CDK14: variants seen among roughly 807,000 people sequenced by gnomAD.
CDK14 encodes the protein cyclin dependent kinase 14.
In CDK14, 34 loss-of-function variants were observed where a neutral mutation model predicts 60.7. That is an observed-to-expected ratio of 0.56 (90% CI 0.43 to 0.75). The LOEUF (loss-of-function observed/expected upper bound fraction) is 0.75. Ranked by LOEUF, CDK14 falls within the 30% of genes least tolerant of loss-of-function variation. The pLI is 0.00. For synonymous variants in CDK14, 197 were observed against 203.7 expected, an observed-to-expected ratio of 0.97 and a Z score of 0.28; for missense variants, 482 against 564.1, an observed-to-expected ratio of 0.85 and a Z score of 1.47.
intron 11 of CDK14, among the ~76,000 whole-genome samples, chr7:91,063,789 A>G (rs1269807453): frequency 1.3e-5 from 2 of 152,224 alleles, no homozygotes; most frequent in East Asian, 1.9e-4. Context: ...ACTGCTTTCT[A>G]TATACCATAT....
intron 14 of CDK14, among the ~76,000 whole-genome samples, chr7:91,185,207 G>T (rs1743435838): frequency 6.7e-6 from 1 of 150,108 alleles, no homozygotes; most frequent in Non-Finnish European, 1.5e-5. Context: ...CAATGATATA[G>T]AAATAAAAGA....
chr7:90,623,502 T>A (rs1157562188), intron 2 of CDK14, among the ~76,000 whole-genome samples: 1 of 152,216 alleles, frequency 6.6e-6, no homozygotes, highest in Admixed American at 6.5e-5. Flanking sequence ...AAAGCACAAC[T>A]GAAAAGGAAA....
chr7:90,929,357 T>A (rs190619741), intron 8 of CDK14, among the ~76,000 whole-genome samples: 14 of 152,330 alleles, frequency 9.2e-5, no homozygotes, highest in African/African-American at 3.4e-4. Flanking sequence ...GGAACCTGTT[T>A]TAAATGGACT....
chr7:90,814,755 G>A (rs1164371599), intron 5 of CDK14, among the ~76,000 whole-genome samples: 2 of 152,214 alleles, frequency 1.3e-5, no homozygotes, highest in South Asian at 2.1e-4. Context: ...CAGCCTGGGC[G>A]ACAGAGCAAG....
At chr7:90,817,986 C>G (rs953901707) in intron 5 of CDK14, among the ~76,000 whole-genome samples, 1 of 152,128 alleles carries the variant, frequency 6.6e-6, no homozygotes, top group African/African-American at 2.4e-5. Flanking sequence ...AGATTCACAC[C>G]TAAGCCCATC....
chr7:90,689,661 A>G (rs1801513783), intron 2 of CDK14, among the ~76,000 whole-genome samples: 1 of 152,198 alleles, frequency 6.6e-6, no homozygotes, highest in South Asian at 2.1e-4. Context: ...GGGAAGGGTA[A>G]GAAATACATG....
intron 3 of CDK14, 62 bp from the exon 4 acceptor site, chr7:90,747,619 G>A: frequency 1.1e-6 from 1 of 899,418 alleles, no homozygotes; most frequent in Non-Finnish European, 1.8e-6. Flanking sequence ...AGCAAAATCA[G>A]GGTATTTGTT....
chr7:90,915,678 T>C (rs1793057970), intron 7 of CDK14, among the ~76,000 whole-genome samples: 1 of 152,066 alleles, frequency 6.6e-6, no homozygotes, highest in South Asian at 2.1e-4. Flanking sequence ...AGTGAGATGG[T>C]GAGATGGTTA....
intron 12 of CDK14, among the ~76,000 whole-genome samples, chr7:91,100,053 A>G (rs574290149): frequency 1.2e-3 from 178 of 152,260 alleles, no homozygotes; most frequent in African/African-American, 4.2e-3. Context: ...TAAAATACTT[A>G]ATAAAAATTA....
At chr7:91,050,424 A>G (rs1797358121) in intron 11 of CDK14, among the ~76,000 whole-genome samples, 1 of 152,218 alleles carries the variant, frequency 6.6e-6, no homozygotes, top group South Asian at 2.1e-4. Context: ...AAAAAAATAT[A>G]TAACAAAAAT....
At chr7:90,789,376 T>C (rs1228813555) in intron 4 of CDK14, among the ~76,000 whole-genome samples, 4 of 152,190 alleles carry the variant, frequency 2.6e-5, no homozygotes, top group Non-Finnish European at 5.9e-5. Flanking sequence ...ATATGTGTGA[T>C]ACATATATAT....
At chr7:90,910,248 G>C (rs1478859830) in intron 7 of CDK14, among the ~76,000 whole-genome samples, 1 of 152,082 alleles carries the variant, frequency 6.6e-6, no homozygotes, top group Non-Finnish European at 1.5e-5. Context: ...AAAATAAAAC[G>C]ATTTGGGTGT....
At chr7:90,835,061 C>T (rs62468468) in intron 5 of CDK14, among the ~76,000 whole-genome samples, 15,796 of 152,014 alleles carry the variant, frequency 0.1, 881 homozygotes, top group Non-Finnish European at 0.12. Context: ...GCAGGAGTGA[C>T]GGTGACTGAC....
intron 14 of CDK14, among the ~76,000 whole-genome samples, chr7:91,206,145 A>G (rs941378295): frequency 6.6e-6 from 1 of 152,122 alleles, no homozygotes; most frequent in African/African-American, 2.4e-5. Flanking sequence ...TATCTGGACA[A>G]GGTATTGCTG....
At chr7:90,683,897 CGT>C (rs35197919) in intron 2 of CDK14, among the ~76,000 whole-genome samples, 27,565 of 145,448 alleles carry the variant, frequency 0.19, 2,607 homozygotes, top group African/African-American at 0.22. Context: ...AGAAAATGTA[CGT>C]GTGTGTGTGT....
chr7:90,692,188 C>T (rs1444788768), intron 2 of CDK14, among the ~76,000 whole-genome samples: 3 of 152,126 alleles, frequency 2.0e-5, no homozygotes, highest in Admixed American at 6.6e-5. Context: ...TCTAGCTTTT[C>T]TTCTTATATC....
chr7:91,014,435 A>G (rs1298221348), intron 10 of CDK14, among the ~76,000 whole-genome samples: 1 of 152,200 alleles, frequency 6.6e-6, no homozygotes, highest in Non-Finnish European at 1.5e-5. Flanking sequence ...TCTTGGAGTC[A>G]AACATGAGAT....
chr7:90,965,066 C>T (rs965514463), intron 9 of CDK14, among the ~76,000 whole-genome samples: 4 of 152,130 alleles, frequency 2.6e-5, no homozygotes, highest in Non-Finnish European at 5.9e-5. Context: ...TTTCCTCAGC[C>T]ATGTTCTTGA....
intron 9 of CDK14, among the ~76,000 whole-genome samples, chr7:90,981,788 A>C (rs1788621756): frequency 1.9e-5 from 2 of 105,918 alleles, no homozygotes; most frequent in Admixed American, 9.4e-5. Flanking sequence ...AATTTCCAGG[A>C]GGTAGAGAGT....
Sources: gnomAD v4.1 joint callset for allele counts (sites outside exome capture counted in the v4.1 genomes callset) on GRCh38, gnomAD v4.1.1 for gene constraint, MANE v1.5 for transcripts, NCBI Gene and HGNC (gene_info 2026-07-23, HGNC 2026-07-21) for gene names.